KCNG1: variants seen among roughly 807,000 people sequenced by gnomAD.
The protein encoded by KCNG1 is voltage-gated potassium channel regulatory subunit KCNG1.
KCNG1 carries 17 observed loss-of-function variants against 32.4 expected under a neutral mutation model. That is an observed-to-expected ratio of 0.52 (90% confidence interval 0.36 to 0.79). The LOEUF (loss-of-function observed/expected upper bound fraction) is 0.79. KCNG1 is among the 30% of genes least tolerant of loss of function. The pLI is 0.00. For synonymous variants in KCNG1, 358 were observed against 339.9 expected (o/e 1.05, Z -0.59); for missense variants, 441 against 735.2 (o/e 0.60, Z 4.63).
intron 2 of KCNG1, 87 bp downstream of exon 2, chr20:51,009,478 T>C (rs1474256342): frequency 7.1e-7 from 1 of 1,411,906 alleles, no homozygotes; most frequent in East Asian, 2.5e-5. Flanking sequence ...CAGTGTGCAA[T>C]CAGAGGAGGC....
At chr20:51,009,369 C>A in intron 2 of KCNG1, 196 bp downstream of exon 2, 1 of 686,614 alleles carries the variant, frequency 1.5e-6, no homozygotes, top group Non-Finnish European at 2.4e-6. Context: ...CCAGGACAGG[C>A]ACAGGCGTGG....
At chr20:51,006,175 C>T (rs979279903) in intron 2 of KCNG1, 1 of 152,210 alleles carries the variant, frequency 6.6e-6, no homozygotes, top group Non-Finnish European at 1.5e-5. Flanking sequence ...ATACAGTAGG[C>T]ACTCAAATGT....
chr20:51,018,333 T>C (rs946309803), intron 1 of KCNG1, among the ~76,000 whole-genome samples: 1 of 152,182 alleles, frequency 6.6e-6, no homozygotes, highest in Non-Finnish European at 1.5e-5. Flanking sequence ...GGGGCTATTA[T>C]GGGGATCTGG....
chr20:51,022,125 G>A (rs1428721786), intron 1 of KCNG1, among the ~76,000 whole-genome samples: 5 of 152,266 alleles, frequency 3.3e-5, no homozygotes, highest in Admixed American at 2.0e-4. Context: ...CCAGCATAGC[G>A]CCTCCATAAA....
rs532431850 is a variant in KCNG1, at chr20:51,005,592, T to C, written c.775-786A>G. 3.9e-5 allele frequency: 6 copies of C among 152,330 alleles called. No homozygotes were observed. The East Asian group carries it at 5.8e-4, about 15-fold the overall frequency. The allele number at this position is 152,330 out of a possible 1,614,324, so 9.4% of individuals were successfully genotyped here. A position where few individuals can be genotyped will look rare whatever the true frequency, so the allele number is the denominator to read the frequency against. ...TTGGTGATAATGTTGGTTAAATAGA[T>C]AAAATGTTGATTTAAGTCCTGGTGA... On this transcript the variant is annotated intron_variant, in intron 2 of 2. Coordinates refer to ENST00000371571, the MANE Select transcript of KCNG1 (RefSeq NM_002237.4). The surrounding 1 kb of genome is among the most constrained non-coding windows in gnomAD (Gnocchi z 4.0).
At chr20:51,014,571 G>A (rs1010947374) in intron 1 of KCNG1, among the ~76,000 whole-genome samples, 2 of 152,112 alleles carry the variant, frequency 1.3e-5, no homozygotes, top group African/African-American at 2.4e-5. Flanking sequence ...TTATTTGTTC[G>A]TTTATTCAGT....
chr20:51,011,882 C>T (rs544687632), intron 1 of KCNG1, among the ~76,000 whole-genome samples: 24 of 152,182 alleles, frequency 1.6e-4, no homozygotes, highest in Non-Finnish European at 3.1e-4. Context: ...TTGCAATCTC[C>T]GCGCCGCGGG....
Position 51,004,933 on chromosome 20 carries a change from G to T in KCNG1, c.775-127C>A. On this transcript the variant is annotated intron_variant, in intron 2 of 2. Coordinates refer to ENST00000371571, the MANE Select transcript of KCNG1 (RefSeq NM_002237.4). This position sits in a 1 kb window ranked among gnomAD's most constrained non-coding sequence, Gnocchi z 4.3. ...TGACCTCTCCAGGTTGAGTGGCCCC[G>T]GGTCCTCTCCCTAGTTGTGCCCACT... The T allele has an allele frequency of 1.0e-6, 1 of 959,538 alleles. No homozygotes were observed. Among genetic ancestry groups the T allele is most frequent in the Non-Finnish European group, 1.5e-6 (1 of 667,918 alleles). The allele number at this position is 959,538 out of a possible 1,614,324, so 59.4% of individuals were successfully genotyped here. A position where few individuals can be genotyped will look rare whatever the true frequency, so the allele number is the denominator to read the frequency against.
rs187675298 is a variant in KCNG1 at position 51,009,538 on chromosome 20, G to A, written c.774+27C>T. The A allele has an allele frequency of 1.8e-4, 287 of 1,554,512 alleles. No homozygotes were observed. The African/African-American group carries it at 3.6e-3, about 19-fold the overall frequency. ...AGAGTCCCTTCCCTCGTGGTGGCGCGTTTCCCCGCGGGGCGTGGGCTCTTA... is the reference window on the plus strand; with the variant it reads ...AGAGTCCCTTCCCTCGTGGTGGCGCATTTCCCCGCGGGGCGTGGGCTCTTA... On this transcript the variant is annotated intron_variant, in intron 2 of 2. Transcript: ENST00000371571.
chr20:51,003,675 A>ATT lies in KCNG1; in HGVS notation c.*362_*363dup, dbSNP rs11474110. 0.02 allele frequency: 2,889 copies of ATT among 141,706 alleles called. 101 individuals are homozygous for ATT. The highest frequency in any genetic ancestry group is 0.072 in the African/African-American group (2,674 of 37,158). 8.8% of individuals were successfully genotyped at this position (141,706 alleles called of 1,614,324 possible). On this transcript the variant is annotated 3_prime_UTR_variant, in exon 3 of 3. Transcript: ENST00000371571. ...CAGACATGCTGTTTCTGCTGTTTGT[A>ATT]TTTTTTTTTTTTTTCTCCAGGCAGA...
chr20:51,014,632 C>T (rs767755945), intron 1 of KCNG1, among the ~76,000 whole-genome samples: 6 of 152,204 alleles, frequency 3.9e-5, no homozygotes, highest in Non-Finnish European at 8.8e-5. Flanking sequence ...GCCGGAGACA[C>T]GGCAGAGAAC....
chr20:51,014,348 TG>T (rs1378629419), intron 1 of KCNG1, among the ~76,000 whole-genome samples: 1 of 152,252 alleles, frequency 6.6e-6, no homozygotes, highest in African/African-American at 2.4e-5. Flanking sequence ...CCTGGCCTTC[TG>T]AAAAATAATA....
intron 1 of KCNG1, among the ~76,000 whole-genome samples, chr20:51,020,533 C>T (rs1988440678): frequency 6.6e-6 from 1 of 152,180 alleles, no homozygotes; most frequent in Non-Finnish European, 1.5e-5. Flanking sequence ...AAATGGTCCA[C>T]AGCAATGGAG....
At chr20:51,009,437 A>T in intron 2 of KCNG1, 128 bp downstream of exon 2, 1 of 1,111,156 alleles carries the variant, frequency 9.0e-7, no homozygotes, top group Middle Eastern at 2.0e-4. Context: ...AACATTCCTG[A>T]TGTCAGGAGG....
chr20:51,018,504 G>A (rs563764419), intron 1 of KCNG1, among the ~76,000 whole-genome samples: 1 of 152,250 alleles, frequency 6.6e-6, no homozygotes, highest in East Asian at 1.9e-4. Flanking sequence ...GGGCCTCTCT[G>A]GACCCTGTTC....
chr20:51,004,751 C>A lies in KCNG1; in HGVS notation c.830G>T (p.Gly277Val). 1.9e-6 allele frequency: 3 copies of A among 1,590,026 alleles called. No individual in the cohort carries two copies. Among genetic ancestry groups the A allele is most frequent in the Non-Finnish European group, 2.6e-6 (3 of 1,167,106 alleles). ...NVFIVESVCV[G>V]WFSLEFLLRL... ...CAGGAGGAACTCCAGGGAGAACCAG[C>A]CCACGCACACCGACTCCACGATGAA... is the stretch of plus-strand genomic sequence containing the variant. Residue 277 changes from glycine (G) to valine (V), a missense_variant, in exon 3 of 3, where the codon GGC becomes GTC. By Grantham distance (109) the Gly-to-Val change is moderately radical (BLOSUM62 -3). Around this residue, in one of 6 missense-constraint regions of KCNG1, gnomAD observed 169 missense variants for 297.7 expected, o/e 0.57. Coordinates refer to ENST00000371571, the MANE Select transcript of KCNG1 (RefSeq NM_002237.4). This position sits in a 1 kb window ranked among gnomAD's most constrained non-coding sequence, Gnocchi z 4.3.
intron 1 of KCNG1, among the ~76,000 whole-genome samples, chr20:51,017,246 G>A (rs566465891): frequency 6.6e-6 from 1 of 152,356 alleles, no homozygotes; most frequent in East Asian, 1.9e-4. Context: ...CAGAAGCAAT[G>A]GACTGAGTGG....
chr20:51,004,387 G>T lies in KCNG1; in HGVS notation c.1194C>A (p.Ile398=). ...IALFAPLLYV[I]ENEMADSPEF... is the part of the protein sequence containing the mutation. ...CGGGGCTGTCGGCCATCTCGTTCTC[G>T]ATGACGTAGAGCAGGGGCGCGAAGA... Residue 398 remains isoleucine (I), a synonymous_variant, in exon 3 of 3, where the codon ATC becomes ATA. Coordinates refer to ENST00000371571, the MANE Select transcript of KCNG1 (RefSeq NM_002237.4). The surrounding 1 kb of genome is among the most constrained non-coding windows in gnomAD (Gnocchi z 4.3). The T allele has an allele frequency of 2.5e-6, 4 of 1,613,762 alleles. No individual in the cohort carries two copies. The highest frequency in any genetic ancestry group is 3.4e-6 in the Non-Finnish European group (4 of 1,179,706).
intron 1 of KCNG1, among the ~76,000 whole-genome samples, chr20:51,016,989 T>G (rs1988303475): frequency 6.6e-6 from 1 of 152,230 alleles, no homozygotes. Context: ...TCTGGGTATA[T>G]TTCCCAGACC....
Sources: gnomAD v4.1 joint callset for allele counts (sites outside exome capture counted in the v4.1 genomes callset) on GRCh38, gnomAD v4.1.1 for gene constraint, gnomAD v4.1.1 regional missense constraint, Gnocchi (gnomAD v3.1) non-coding constraint, MANE v1.5 for transcripts, NCBI Gene and HGNC (gene_info 2026-07-23, HGNC 2026-07-21) for gene names.